CAST: variants seen among roughly 807,000 people sequenced by gnomAD.
CAST encodes calpastatin, also known as MIR583 host.
A neutral mutation model predicts 119.6 loss-of-function variants in CAST; 76 were observed. The ratio of observed to expected loss-of-function variants is 0.64; its 90% CI spans 0.53 to 0.77. The LOEUF (loss-of-function observed/expected upper bound fraction) is 0.77. Among genes scored for constraint, CAST ranks in the 30% least tolerant of loss-of-function variants. The pLI, the probability that CAST is intolerant of heterozygous loss-of-function variation, is 0.00. For missense variants in CAST, 953 were observed against 946.5 expected (o/e 1.01, Z -0.09); for synonymous variants, 319 against 331.6 (o/e 0.96, Z 0.41).
chr5:96,437,300 C>A, the CAST span, among the ~76,000 whole-genome samples: 1 of 152,144 alleles, frequency 6.6e-6, no homozygotes, highest in Non-Finnish European at 1.5e-5. Flanking sequence ...GCAGTGAGTG[C>A]CATAAATTCC....
intron 1 of CAST, among the ~76,000 whole-genome samples, chr5:96,622,492 G>A (rs1046658387): frequency 2.6e-5 from 4 of 152,196 alleles, no homozygotes; most frequent in Non-Finnish European, 5.9e-5. Context: ...GCTGTCACTG[G>A]TGAAAGCTTC....
chr5:96,180,175 G>A, the CAST span, among the ~76,000 whole-genome samples: 6 of 152,114 alleles, frequency 3.9e-5, no homozygotes, highest in South Asian at 2.1e-4. Context: ...GTATAGTTAC[G>A]AATGATGAAA....
chr5:96,532,548 A>G (rs976784113), intron 1 of CAST, among the ~76,000 whole-genome samples: 1 of 152,138 alleles, frequency 6.6e-6, no homozygotes, highest in Non-Finnish European at 1.5e-5. Flanking sequence ...GACCCTGTCC[A>G]TACAAAAAAT....
chr5:96,281,245 C>G, the CAST span, among the ~76,000 whole-genome samples: 12 of 152,280 alleles, frequency 7.9e-5, no homozygotes, highest in Admixed American at 7.2e-4. Flanking sequence ...TCCTAAGCAA[C>G]AAGTAAATAG....
intron 9 of CAST, among the ~76,000 whole-genome samples, chr5:96,732,040 A>G (rs1205668206): frequency 2.6e-5 from 4 of 151,370 alleles, no homozygotes; most frequent in Admixed American, 6.6e-5. Flanking sequence ...GCTAGGTCAA[A>G]TGGTATTTCT....
the CAST span, among the ~76,000 whole-genome samples, chr5:96,121,376 A>G: frequency 6.6e-6 from 1 of 152,050 alleles, no homozygotes; most frequent in African/African-American, 2.4e-5. Flanking sequence ...TAAATAGGAC[A>G]GTCTTCAGGA....
intron 1 of CAST, among the ~76,000 whole-genome samples, chr5:96,629,422 T>A (rs155045): frequency 0.3 from 45,672 of 151,838 alleles, 6,884 homozygotes; most frequent in African/African-American, 0.31. Context: ...CGCTCCCCTC[T>A]GGGTGGGCCA....
chr5:96,295,499 G>A, the CAST span, among the ~76,000 whole-genome samples: 4 of 152,302 alleles, frequency 2.6e-5, no homozygotes, highest in South Asian at 2.1e-4. Context: ...CGAGACAAAC[G>A]ATATTTGGAA....
chr5:96,696,373 C>T (rs1287083521), intron 3 of CAST: 2 of 152,386 alleles, frequency 1.3e-5, no homozygotes, highest in East Asian at 1.9e-4. Flanking sequence ...GGTTAAGTAA[C>T]CTTGACAAGC....
chr5:96,408,150 A>AG, the CAST span: 1 of 1,081,256 alleles, frequency 9.2e-7, no homozygotes, highest in African/African-American at 1.6e-5. Flanking sequence ...CCATGTATTC[A>AG]GAAAAAAAAG....
the CAST span, among the ~76,000 whole-genome samples, chr5:96,277,289 T>A: frequency 6.6e-6 from 1 of 152,186 alleles, no homozygotes; most frequent in Non-Finnish European, 1.5e-5. Flanking sequence ...TTGTACTAAT[T>A]TGTTCTTCCA....
chr5:96,429,822 C>G, the CAST span, among the ~76,000 whole-genome samples: 1 of 152,160 alleles, frequency 6.6e-6, no homozygotes, highest in Non-Finnish European at 1.5e-5. Flanking sequence ...AATATTATTG[C>G]TTGAGTTCAC....
intron 9 of CAST, among the ~76,000 whole-genome samples, chr5:96,732,372 T>A (rs995170842): frequency 8.1e-6 from 1 of 123,074 alleles, no homozygotes; most frequent in Non-Finnish European, 1.7e-5. Context: ...CTTGTAAATT[T>A]GTTTGAGTTC....
the CAST span, among the ~76,000 whole-genome samples, chr5:96,290,252 C>T: frequency 1.3e-5 from 2 of 152,206 alleles, no homozygotes; most frequent in East Asian, 3.9e-4. Flanking sequence ...GGCACAGAAA[C>T]AAAGAGTAGA....
chr5:96,092,635 A>T, the CAST span, among the ~76,000 whole-genome samples: 1 of 152,208 alleles, frequency 6.6e-6, no homozygotes, highest in South Asian at 2.1e-4. Context: ...GACCTAGAAG[A>T]TTACTATAAC....
chr5:96,287,212 G>A, the CAST span, among the ~76,000 whole-genome samples: 1 of 151,986 alleles, frequency 6.6e-6, no homozygotes, highest in Non-Finnish European at 1.5e-5. Context: ...TGGCATAAGT[G>A]AGAGAAATTC....
chr5:96,049,889 C>CAAAAAAAAAAAAAAAAAA, the CAST span, among the ~76,000 whole-genome samples: 85 of 34,200 alleles, frequency 2.5e-3, 1 homozygote, highest in South Asian at 4.3e-3. Flanking sequence ...GAACAGGAGG[C>CAAAAAAAAAAAAAAAAAA]AAAAAAAAAA....
intron 9 of CAST, among the ~76,000 whole-genome samples, chr5:96,731,320 G>A (rs1383947215): frequency 6.6e-6 from 1 of 152,166 alleles, no homozygotes; most frequent in African/African-American, 2.4e-5. Context: ...TCAGGATGAA[G>A]TAGATGTGTT....
chr5:96,287,572 G>A, the CAST span, among the ~76,000 whole-genome samples: 2 of 151,968 alleles, frequency 1.3e-5, no homozygotes, highest in Non-Finnish European at 2.9e-5. Context: ...TGGTATTAAC[G>A]GGTTCTGTGT....
Sources: gnomAD v4.1 joint callset for allele counts (sites outside exome capture counted in the v4.1 genomes callset) on GRCh38, gnomAD v4.1.1 for gene constraint, MANE v1.5 for transcripts, NCBI Gene and HGNC (gene_info 2026-07-23, HGNC 2026-07-21) for gene names.